The following VAT1L variants were observed in gnomAD, a reference collection of about 807,000 sequenced individuals.
VAT1L encodes putative NADPH-dependent quinone oxidoreductase VAT1L.
Under a neutral mutation model 44.1 loss-of-function variants are expected in VAT1L, and 34 were observed. That is an observed-to-expected ratio of 0.77 (90% CI 0.59 to 1.03). The LOEUF (loss-of-function observed/expected upper bound fraction) is 1.03, where lower values mean the gene tolerates loss of function less well. VAT1L is among the 50% of genes least tolerant of loss of function. VAT1L has a pLI of 0.00. For synonymous variants in VAT1L, 253 were observed against 202.2 expected (o/e 1.25, Z -2.13); for missense variants, 615 against 538.8 (o/e 1.14, Z -1.40).
At chr16:77,896,052 T>C (rs2017321117) in intron 7 of VAT1L, among the ~76,000 whole-genome samples, 1 of 152,152 alleles carries the variant, frequency 6.6e-6, no homozygotes, top group South Asian at 2.1e-4. Context: ...CACAGAGTGA[T>C]GGGGAGGCTG....
chr16:77,790,846 T>C (rs932090891), intron 1 of VAT1L, among the ~76,000 whole-genome samples: 3 of 152,122 alleles, frequency 2.0e-5, no homozygotes, highest in Non-Finnish European at 2.9e-5. Context: ...TAATTGCTGA[T>C]AGGAACTGAA....
chr16:77,873,002 C>G (rs960985544), intron 4 of VAT1L, among the ~76,000 whole-genome samples: 4 of 152,206 alleles, frequency 2.6e-5, no homozygotes, highest in Admixed American at 2.0e-4. Context: ...GATGTTTGAT[C>G]TAGGCCAAAC....
At position 77,912,583 on chromosome 16, in the gene VAT1L, G is replaced by T. The variant is rs142095118; in HGVS notation, c.1077+27781G>T. Among the ~76,000 whole-genome samples, 312 of 152,190 alleles carry T rather than the reference G, an allele frequency of 2.1e-3. 1 individual carries two copies. Among genetic ancestry groups the T allele is most frequent in the African/African-American group, 7.4e-3 (306 of 41,510 alleles). On this transcript the variant is annotated intron_variant, in intron 7 of 8. Coordinates refer to ENST00000302536, the MANE Select transcript of VAT1L (RefSeq NM_020927.3). ...TTTATTATTATTATTTTTTACAATA[G>T]AATGAAATTTTAAAAATTAAACATA...
chr16:77,810,393 A>C (rs952284601), intron 1 of VAT1L, among the ~76,000 whole-genome samples: 52 of 152,210 alleles, frequency 3.4e-4, no homozygotes, highest in Non-Finnish European at 7.1e-4. Context: ...AGTTCTGATG[A>C]ATAATAAAGT....
chr16:77,851,221 G>A (rs2016805427), intron 3 of VAT1L, among the ~76,000 whole-genome samples: 1 of 152,152 alleles, frequency 6.6e-6, no homozygotes, highest in African/African-American at 2.4e-5. Context: ...GGCAGCTATG[G>A]TTACAGATTG....
chr16:77,972,234 A>C (rs1439701224), intron 8 of VAT1L, among the ~76,000 whole-genome samples: 1 of 152,222 alleles, frequency 6.6e-6, no homozygotes, highest in East Asian at 1.9e-4. Flanking sequence ...AAATTCCTGG[A>C]AAATTTCAAT....
At chr16:77,860,127 C>T (rs551091991) in intron 3 of VAT1L, among the ~76,000 whole-genome samples, 35 of 152,294 alleles carry the variant, frequency 2.3e-4, no homozygotes, top group African/African-American at 7.5e-4. Flanking sequence ...ATAGATCTTT[C>T]GCTCACATCC....
intron 4 of VAT1L, among the ~76,000 whole-genome samples, chr16:77,864,967 CTTTT>C (rs869037679): frequency 1.0e-5 from 1 of 95,380 alleles, no homozygotes; most frequent in Non-Finnish European, 1.9e-5. Context: ...TCTTCTTATC[CTTTT>C]TTTTTTTTTT....
At chr16:77,891,982 G>C (rs905860911) in intron 7 of VAT1L, among the ~76,000 whole-genome samples, 2 of 152,190 alleles carry the variant, frequency 1.3e-5, no homozygotes, top group Non-Finnish European at 2.9e-5. Flanking sequence ...TGAGGCAGGA[G>C]AATCACTTGA....
chr16:77,918,091 T>C (rs2017569870), intron 7 of VAT1L, among the ~76,000 whole-genome samples: 2 of 152,128 alleles, frequency 1.3e-5, no homozygotes, highest in South Asian at 4.1e-4. Context: ...ATCCAATAAA[T>C]GTGTGAATGG....
chr16:77,940,471 G>A (rs71396130), intron 7 of VAT1L, among the ~76,000 whole-genome samples: 33,820 of 151,002 alleles, frequency 0.22, 4,933 homozygotes, highest in Non-Finnish European at 0.31. Flanking sequence ...AGCCTCCTGA[G>A]TAGCTGGGAT....
chr16:77,927,005 A>AT (rs1005018824), intron 7 of VAT1L, among the ~76,000 whole-genome samples: 9 of 152,134 alleles, frequency 5.9e-5, no homozygotes, highest in Admixed American at 3.9e-4. Context: ...AGAAGACAAC[A>AT]TAACAGTCAT....
intron 7 of VAT1L, among the ~76,000 whole-genome samples, chr16:77,893,171 G>A (rs975433285): frequency 6.6e-6 from 1 of 152,184 alleles, no homozygotes; most frequent in Non-Finnish European, 1.5e-5. Flanking sequence ...GTTGTGTCAT[G>A]TACATAGTGG....
chr16:77,843,929 AGGT>A, intron 3 of VAT1L, among the ~76,000 whole-genome samples: 1 of 152,318 alleles, frequency 6.6e-6, no homozygotes, highest in Non-Finnish European at 1.5e-5. Context: ...AGCAGGAGAC[AGGT>A]GGTGGACCTT....
chr16:77,934,464 CA>C (rs928372681), intron 7 of VAT1L, among the ~76,000 whole-genome samples: 6 of 150,454 alleles, frequency 4.0e-5, no homozygotes, highest in East Asian at 3.9e-4. Flanking sequence ...AACAAACAAA[CA>C]AAAAAAAATG....
intron 3 of VAT1L, among the ~76,000 whole-genome samples, chr16:77,825,880 G>A (rs1419623542): frequency 2.7e-5 from 4 of 148,342 alleles, no homozygotes; most frequent in Admixed American, 6.7e-5. Context: ...AAAATTAGCC[G>A]GGCGTAGTGG....
chr16:77,919,636 CTG>C lies in VAT1L; in HGVS notation c.1077+34837_1077+34838del, dbSNP rs1303642205. On this transcript the variant is annotated intron_variant, in intron 7 of 8. Coordinates refer to ENST00000302536, the MANE Select transcript of VAT1L (RefSeq NM_020927.3). ...AATGTGTGAAATAGAGGAGAGATGA[CTG>C]TGATAGAGAAGGACAAAGAAATTAC... Among the ~76,000 whole-genome samples the C allele has an allele frequency of 4.6e-5, 7 of 152,230 alleles. No individual in the cohort carries two copies. The South Asian group carries it at 1.4e-3, about 32-fold the overall frequency.
chr16:77,900,552 G>C (rs1297450892), intron 7 of VAT1L, among the ~76,000 whole-genome samples: 1 of 151,696 alleles, frequency 6.6e-6, no homozygotes, highest in Non-Finnish European at 1.5e-5. Context: ...AAAATTAGCT[G>C]GGCGTGGTGG....
At chr16:77,939,980 A>T (rs947924712) in intron 7 of VAT1L, among the ~76,000 whole-genome samples, 1 of 152,212 alleles carries the variant, frequency 6.6e-6, no homozygotes, top group African/African-American at 2.4e-5. Context: ...CAGTAATAGA[A>T]ATGAGATCAT....
Sources: gnomAD v4.1 joint callset for allele counts (sites outside exome capture counted in the v4.1 genomes callset) on GRCh38, gnomAD v4.1.1 for gene constraint, MANE v1.5 for transcripts, NCBI Gene and HGNC (gene_info 2026-07-23, HGNC 2026-07-21) for gene names.